Variants in FLT1 observed in about 807,000 individuals in gnomAD.
FLT1 encodes the protein vascular endothelial growth factor receptor 1.
A neutral mutation model predicts 156.3 loss-of-function variants in FLT1; 49 were observed. The observed-to-expected ratio is 0.31, with a 90% CI of 0.25 to 0.40. The LOEUF (loss-of-function observed/expected upper bound fraction) is 0.40. Among genes scored for constraint, FLT1 ranks in the 10% least tolerant of loss-of-function variants. The probability of loss-of-function intolerance (pLI) is 1.00; values close to 1 mark genes in which losing one functional copy is unlikely to be tolerated. For synonymous variants in FLT1, 594 were observed against 583.8 expected, an observed-to-expected ratio of 1.02 and a Z score of -0.25; for missense variants, 1,322 against 1,637.2, an observed-to-expected ratio of 0.81 and a Z score of 3.32.
intron 9 of FLT1, among the ~76,000 whole-genome samples, 185 bp downstream of exon 9, chr13:28,427,567 C>T (rs773089571): frequency 1.1e-4 from 16 of 152,092 alleles, no homozygotes; most frequent in Non-Finnish European, 1.8e-4. Context: ...AAAGATCATG[C>T]CGCCTATGGA....
intron 3 of FLT1, among the ~76,000 whole-genome samples, chr13:28,451,713 G>A (rs947378469): frequency 3.3e-5 from 5 of 152,190 alleles, no homozygotes; most frequent in African/African-American, 7.2e-5. Context: ...CTGCGCTGAT[G>A]ACCTGCGCCA....
intron 1 of FLT1, among the ~76,000 whole-genome samples, chr13:28,473,788 AAG>A (rs1443846485): frequency 2.2e-4 from 24 of 107,912 alleles, no homozygotes; most frequent in African/African-American, 8.9e-4. Flanking sequence ...GAAAGAAAGA[AAG>A]AAAGAAAGAA....
chr13:28,337,755 G>A (rs1194396805), intron 17 of FLT1, among the ~76,000 whole-genome samples: 1 of 152,256 alleles, frequency 6.6e-6, no homozygotes, highest in African/African-American at 2.4e-5. Flanking sequence ...AATCTGTGAT[G>A]TGGTGTGGAT....
At chr13:28,372,566 GTATATATATA>G (rs57608920) in intron 14 of FLT1, among the ~76,000 whole-genome samples, 37,717 of 91,358 alleles carry the variant, frequency 0.41, 8,268 homozygotes, top group East Asian at 0.56. Flanking sequence ...TAAATAAAAT[GTATATATATA>G]TATATATATA....
chr13:28,341,227 C>A (rs906236940), intron 16 of FLT1, among the ~76,000 whole-genome samples: 1 of 152,080 alleles, frequency 6.6e-6, no homozygotes, highest in Non-Finnish European at 1.5e-5. Context: ...AGAGGAGACA[C>A]CAAACAAACC....
In FLT1 at chr13:28,491,745, G is replaced by A. The variant is rs78555157; in HGVS notation, c.64+3035C>T. ...GAAGAGAAAAGAGAAAGACAGACACGGTGTTCAGGCCATTTCTTGGAATCA... is the reference window on the plus strand; with the variant it reads ...GAAGAGAAAAGAGAAAGACAGACACAGTGTTCAGGCCATTTCTTGGAATCA... On this transcript the variant is annotated intron_variant, in intron 1 of 29. Transcript: ENST00000282397. Among the ~76,000 whole-genome samples, 719 of 152,274 alleles carry A rather than the reference G, an allele frequency of 4.7e-3. 5 individuals carry two copies. The highest frequency in any genetic ancestry group is 0.016 in the African/African-American group (648 of 41,564).
chr13:28,428,768 T>C (rs1013604613), intron 8 of FLT1, among the ~76,000 whole-genome samples: 5 of 152,240 alleles, frequency 3.3e-5, no homozygotes, highest in African/African-American at 7.2e-5. Context: ...TAGGAGTTTC[T>C]TGTGTTCTGT....
chr13:28,495,125 C>G lies in FLT1; in HGVS notation c.-282G>C, dbSNP rs955686917. On this transcript the variant is annotated 5_prime_UTR_variant, in exon 1 of 30. Coordinates refer to ENST00000282397, the MANE Select transcript of FLT1 (RefSeq NM_002019.4). This position sits in a 1 kb window ranked among gnomAD's most constrained non-coding sequence, Gnocchi z 4.1. ...CGCGCTCCGAGCCTCCCGCGGACCT[C>G]GATGAAGAGCAGCCGAGGGCGGGGG... 4.6e-6 allele frequency: 2 copies of G among 436,018 alleles called. No homozygotes were observed. Among genetic ancestry groups the G allele is most frequent in the Non-Finnish European group, 4.0e-6 (1 of 249,266 alleles). The allele number at this position is 436,018 out of a possible 1,614,324, so 27.0% of individuals were successfully genotyped here.
At chr13:28,402,895 T>C (rs1311022573) in intron 11 of FLT1, among the ~76,000 whole-genome samples, 2 of 152,200 alleles carry the variant, frequency 1.3e-5, no homozygotes, top group Non-Finnish European at 2.9e-5. Context: ...GTTCAAGCGA[T>C]TCTTGTGCCT....
At position 28,372,566 on chromosome 13, in the gene FLT1, G is replaced by GTATACATATATATATATA. The variant is rs1555232433; in HGVS notation, c.2116+12318_2116+12319insTATATATATATATGTATA. On this transcript the variant is annotated intron_variant, in intron 14 of 29. Coordinates refer to ENST00000282397, the MANE Select transcript of FLT1 (RefSeq NM_002019.4). ...CATATATTCCTCGTTTAAATAAAAT[G>GTATACATATATATATATA]TATATATATATATATATATATATAT... Among the ~76,000 whole-genome samples the GTATACATATATATATATA allele has an allele frequency of 1.3e-4, 12 of 91,458 alleles. No homozygotes were observed. The Admixed American group carries it at 1.6e-3, about 12-fold the overall frequency. 60.0% of individuals were successfully genotyped at this position (91,458 alleles called of 152,430 possible).
intron 1 of FLT1, among the ~76,000 whole-genome samples, chr13:28,482,045 C>T (rs1880882912): frequency 6.6e-6 from 1 of 152,292 alleles, no homozygotes; most frequent in East Asian, 1.9e-4. Flanking sequence ...CTACACATTC[C>T]TGAACTCAGC....
intron 16 of FLT1, among the ~76,000 whole-genome samples, chr13:28,344,011 C>CCGCCCCCG (rs1250305833): frequency 1.3e-5 from 2 of 150,714 alleles, no homozygotes; most frequent in Admixed American, 1.3e-4. Flanking sequence ...ACTCTTGCCC[C>CCGCCCCCG]CCACCACCCG....
chr13:28,372,566 G>GTGTATATATATATA (rs1555232432), intron 14 of FLT1, among the ~76,000 whole-genome samples: 22 of 91,444 alleles, frequency 2.4e-4, no homozygotes, highest in African/African-American at 4.8e-4. Context: ...TAAATAAAAT[G>GTGTATATATATATA]TATATATATA....
Position 28,334,022 on chromosome 13 carries a change from T to C in FLT1, c.2593+3A>G, listed in dbSNP as rs2138845527. 5.0e-6 allele frequency: 8 copies of C among 1,590,322 alleles called. No homozygotes were observed. Among genetic ancestry groups the C allele is most frequent in the Non-Finnish European group, 6.9e-6 (8 of 1,158,296 alleles). ...GTTGAAAGCCAAACTACAGCATACA[T>C]ACCTTTCAGCATTTTCACAGCCACA... is the stretch of plus-strand genomic sequence containing the variant. On this transcript the variant is annotated splice_donor_region_variant and intron_variant, in intron 18 of 29. Coordinates refer to ENST00000282397, the MANE Select transcript of FLT1 (RefSeq NM_002019.4).
At chr13:28,393,674 C>A (rs142172470) in intron 12 of FLT1, among the ~76,000 whole-genome samples, 1 of 152,152 alleles carries the variant, frequency 6.6e-6, no homozygotes, top group African/African-American at 2.4e-5. Context: ...GCAGCCTCGA[C>A]CTCCTGGGCT....
chr13:28,349,059 G>A (rs1872655641), intron 15 of FLT1, among the ~76,000 whole-genome samples: 1 of 152,252 alleles, frequency 6.6e-6, no homozygotes, highest in African/African-American at 2.4e-5. Context: ...GGAGCTCACA[G>A]TCTGGTATTC....
intron 10 of FLT1, among the ~76,000 whole-genome samples, chr13:28,418,171 T>C (rs1340698423): frequency 6.6e-6 from 1 of 152,170 alleles, no homozygotes; most frequent in Non-Finnish European, 1.5e-5. Context: ...TTAGTTAGAC[T>C]TGCCACCCTC....
At chr13:28,454,530 A>C (rs1360081564) in intron 3 of FLT1, among the ~76,000 whole-genome samples, 1 of 152,120 alleles carries the variant, frequency 6.6e-6, no homozygotes, top group African/African-American at 2.4e-5. Flanking sequence ...AAGCTACTTA[A>C]CCTTTCTGAG....
chr13:28,335,208 GT>G lies in FLT1; in HGVS notation c.2489-1080del, dbSNP rs1302278936. On this transcript the variant is annotated intron_variant, in intron 17 of 29. Transcript: ENST00000282397. ...GCATGATATACCCAAAGAAGAGTAA[GT>G]GAAGTAAGTCAGTCTTTTTTTGGCT... Among the ~76,000 whole-genome samples the G allele has an allele frequency of 1.7e-3, 265 of 152,286 alleles. 4 individuals carry two copies. The East Asian group carries it at 0.037, about 22-fold the overall frequency.
Sources: allele counts gnomAD v4.1 joint callset (sites outside exome capture counted in the v4.1 genomes callset), GRCh38; gene constraint gnomAD v4.1.1; non-coding constraint Gnocchi (gnomAD v3.1); transcripts MANE v1.5; gene names NCBI Gene and HGNC (gene_info 2026-07-23, HGNC 2026-07-21).